ITIH5: variants seen among roughly 807,000 people sequenced by gnomAD.
ITIH5 encodes inter-alpha-trypsin inhibitor heavy chain H5.
In ITIH5, 65 loss-of-function variants were observed where a neutral mutation model predicts 77.5. That is an observed-to-expected ratio of 0.84 (90% CI 0.69 to 1.03). The LOEUF (loss-of-function observed/expected upper bound fraction) is 1.03, where lower values mean the gene tolerates loss of function less well. ITIH5 is among the 50% of genes least tolerant of loss of function. ITIH5 has a pLI of 0.00. For missense variants in ITIH5, 1,208 were observed against 1,213.1 expected (o/e 1.00, Z 0.06); for synonymous variants, 525 against 494.3 (o/e 1.06, Z -0.82).
In ITIH5 at chr10:7,560,798, T is replaced by C. The variant is rs757369334; in HGVS notation, c.*2285A>G. On this transcript the variant is annotated 3_prime_UTR_variant, in exon 14 of 14. Transcript: ENST00000397146. ...TTTATAAATGCTCAAGGAAAATAAATGATTGCCCAGATGGTGAAACAGGGT... is the reference window on the plus strand; with the variant it reads ...TTTATAAATGCTCAAGGAAAATAAACGATTGCCCAGATGGTGAAACAGGGT... The C allele has an allele frequency of 2.0e-5, 3 of 152,104 alleles. No homozygotes were observed. Among genetic ancestry groups the C allele is most frequent in the Non-Finnish European group, 4.4e-5 (3 of 68,018 alleles). 9.4% of individuals were successfully genotyped at this position (152,104 alleles called of 1,614,324 possible). A position where few individuals can be genotyped will look rare whatever the true frequency, so the allele number is the denominator to read the frequency against.
At chr10:7,642,626 C>A (rs7075228) in intron 2 of ITIH5, among the ~76,000 whole-genome samples, 3,154 of 152,276 alleles carry the variant, frequency 0.021, 115 homozygotes, top group African/African-American at 0.073. Flanking sequence ...CAATACTGAA[C>A]TCAGCAGAGT....
At chr10:7,601,323 T>C (rs1000970624) in intron 7 of ITIH5, among the ~76,000 whole-genome samples, 14 of 152,190 alleles carry the variant, frequency 9.2e-5, no homozygotes, top group African/African-American at 3.4e-4. Flanking sequence ...AGGGGGGTTC[T>C]TGGAGGTCAA....
At chr10:7,644,548 G>C (rs1038435134) in intron 2 of ITIH5, among the ~76,000 whole-genome samples, 14 of 61,960 alleles carry the variant, frequency 2.3e-4, no homozygotes, top group East Asian at 3.2e-4. Flanking sequence ...ACATATATAT[G>C]ATATATCACA....
chr10:7,585,771 C>T, intron 8 of ITIH5, 130 bp downstream of exon 8: 1 of 744,738 alleles, frequency 1.3e-6, no homozygotes. Flanking sequence ...AAAGCTCTCG[C>T]CTGCAGTCTC....
chr10:7,656,331 C>T (rs1325666645), intron 1 of ITIH5, among the ~76,000 whole-genome samples: 1 of 152,186 alleles, frequency 6.6e-6, no homozygotes, highest in African/African-American at 2.4e-5. Flanking sequence ...CCCCCGACTT[C>T]AACCTCCCAA....
chr10:7,666,323 T>C (rs1834360298), intron 1 of ITIH5, among the ~76,000 whole-genome samples: 1 of 152,036 alleles, frequency 6.6e-6, no homozygotes, highest in Non-Finnish European at 1.5e-5. Flanking sequence ...CACCGGTAGG[T>C]AGTCGCTAAA....
intron 5 of ITIH5, among the ~76,000 whole-genome samples, chr10:7,635,779 A>T (rs1365423399): frequency 1.3e-5 from 2 of 152,072 alleles, no homozygotes; most frequent in Non-Finnish European, 2.9e-5. Flanking sequence ...TTTTTGCATT[A>T]TGTTAAATAC....
chr10:7,563,994 T>C (rs1236732306), intron 13 of ITIH5, among the ~76,000 whole-genome samples: 1 of 152,276 alleles, frequency 6.6e-6, no homozygotes, highest in East Asian at 1.9e-4. Context: ...TGCTCTTTAT[T>C]TTTGGGCAAG....
intron 8 of ITIH5, among the ~76,000 whole-genome samples, chr10:7,584,536 C>T (rs558827857): frequency 2.0e-5 from 3 of 152,002 alleles, no homozygotes. Flanking sequence ...AACTCCTGAC[C>T]TCAGGTGATC....
intron 7 of ITIH5, 137 bp downstream of exon 7, chr10:7,615,845 C>T (rs1833352915): frequency 3.0e-6 from 2 of 659,284 alleles, no homozygotes; most frequent in Admixed American, 4.6e-5. Flanking sequence ...TGAATCCGCT[C>T]AAGAAGGCTT....
intron 7 of ITIH5, among the ~76,000 whole-genome samples, chr10:7,589,006 A>G (rs537704604): frequency 1.3e-5 from 2 of 152,378 alleles, no homozygotes; most frequent in Non-Finnish European, 2.9e-5. Context: ...GGACGGCTGG[A>G]GCCGAGATGG....
In ITIH5 at chr10:7,570,517, C is replaced by T. The variant is rs1035207285; in HGVS notation, c.2033-733G>A. ...TTCACCTCTGTTAAAGGTGAACAGC[C>T]TTGCCTTTTATTATACAGACAGAAG... is the stretch of plus-strand genomic sequence containing the variant. On this transcript the variant is annotated intron_variant, in intron 11 of 13. Transcript: ENST00000397146. 6 of 152,244 alleles carry T rather than the reference C, an allele frequency of 3.9e-5. No individual in the cohort carries two copies. The South Asian group carries it at 6.2e-4, about 16-fold the overall frequency. The allele number at this position is 152,244 out of a possible 1,614,324, so 9.4% of individuals were successfully genotyped here. A position where few individuals can be genotyped will look rare whatever the true frequency, so the allele number is the denominator to read the frequency against.
At chr10:7,573,878 G>A (rs2130952019) in intron 10 of ITIH5, among the ~76,000 whole-genome samples, 1 of 152,204 alleles carries the variant, frequency 6.6e-6, no homozygotes, top group East Asian at 1.9e-4. Flanking sequence ...TGTTCAGTGG[G>A]CCTGTAGCAT....
intron 1 of ITIH5, among the ~76,000 whole-genome samples, chr10:7,663,500 T>C (rs1375546945): frequency 6.6e-6 from 1 of 152,138 alleles, no homozygotes; most frequent in African/African-American, 2.4e-5. Context: ...TAAAAATGCG[T>C]GATGTTTGTG....
chr10:7,598,883 G>T (rs1012591861), intron 7 of ITIH5, among the ~76,000 whole-genome samples: 6 of 151,984 alleles, frequency 3.9e-5, no homozygotes, highest in Non-Finnish European at 2.9e-5. Context: ...AACATTTTTT[G>T]CAATATAAAC....
At chr10:7,603,794 A>G (rs558650970) in intron 7 of ITIH5, among the ~76,000 whole-genome samples, 15 of 152,144 alleles carry the variant, frequency 9.9e-5, no homozygotes, top group South Asian at 6.2e-4. Flanking sequence ...TGTGTTAGCC[A>G]GGATGGTCCC....
Position 7,560,962 on chromosome 10 carries a change from A to G in ITIH5, c.*2121T>C, listed in dbSNP as rs1245658675. 2.3e-5 allele frequency: 1 copy of G among 42,800 alleles called. No individual in the cohort carries two copies. Among genetic ancestry groups the G allele is most frequent in the East Asian group, 8.5e-4 (1 of 1,182 alleles). The allele number at this position is 42,800 out of a possible 1,614,324, so 2.7% of individuals were successfully genotyped here. A position where few individuals can be genotyped will look rare whatever the true frequency, so the allele number is the denominator to read the frequency against. ...GATTTTCTGGACAACAGAAAATACT[A>G]TATTTTTTTTTTATCAAATGCAAAG... On this transcript the variant is annotated 3_prime_UTR_variant, in exon 14 of 14. Transcript: ENST00000397146.
At chr10:7,597,910 T>C (rs966110238) in intron 7 of ITIH5, among the ~76,000 whole-genome samples, 17 of 152,216 alleles carry the variant, frequency 1.1e-4, no homozygotes, top group African/African-American at 3.6e-4. Context: ...ATCAGATTTT[T>C]TTTTTTTAAT....
chr10:7,661,939 C>T (rs1834283167), intron 1 of ITIH5, among the ~76,000 whole-genome samples: 1 of 152,080 alleles, frequency 6.6e-6, no homozygotes, highest in South Asian at 2.1e-4. Context: ...TGGGCTCAAG[C>T]TATCTGCCCA....
Sources: gnomAD v4.1 joint callset for allele counts (sites outside exome capture counted in the v4.1 genomes callset) on GRCh38, gnomAD v4.1.1 for gene constraint, MANE v1.5 for transcripts, NCBI Gene and HGNC (gene_info 2026-07-23, HGNC 2026-07-21) for gene names.